The following ABCC1 variants were observed in gnomAD, a reference collection of about 807,000 sequenced individuals.
The protein encoded by ABCC1 is ATP binding cassette subfamily C member 1 (ABCC1 blood group).
In ABCC1, 83 loss-of-function variants were observed where a neutral mutation model predicts 172.9. The observed-to-expected ratio is 0.48, with a 90% CI of 0.40 to 0.58. ABCC1 has a LOEUF of 0.58. Ranked by LOEUF, ABCC1 falls within the 20% of genes least tolerant of loss-of-function variation. ABCC1 has a pLI of 0.00. For missense variants in ABCC1, 1,817 were observed against 2,002.7 expected (o/e 0.91, Z 1.77); for synonymous variants, 937 against 825.2 (o/e 1.14, Z -2.32).
At chr16:16,016,008 C>T (rs1042807655) in intron 4 of ABCC1, among the ~76,000 whole-genome samples, 1 of 152,144 alleles carries the variant, frequency 6.6e-6, no homozygotes, top group Admixed American at 6.5e-5. Context: ...TCCCATCAGG[C>T]AGCGGTGAGC....
intron 1 of ABCC1, among the ~76,000 whole-genome samples, chr16:15,983,173 T>C (rs1190251030): frequency 2.0e-5 from 3 of 152,018 alleles, no homozygotes; most frequent in Admixed American, 6.6e-5. Flanking sequence ...CAAGAAGGAA[T>C]GTTTCAACTG....
chr16:16,029,168 G>A lies in ABCC1; in HGVS notation c.616-3941G>A, dbSNP rs114540543. Among the ~76,000 whole-genome samples the A allele has an allele frequency of 5.1e-3, 776 of 152,290 alleles. 15 individuals are homozygous for A. Among genetic ancestry groups the A allele is most frequent in the African/African-American group, 0.018 (749 of 41,556 alleles). ...AGGAGCTTTTTATTTAGCCTTTTAT[G>A]ATGGAAACATAAAGTAGACAGCCTA... On this transcript the variant is annotated intron_variant, in intron 5 of 30. Coordinates refer to ENST00000399410, the MANE Select transcript of ABCC1 (RefSeq NM_004996.4).
At chr16:16,111,076 T>G (rs1366714820) in intron 21 of ABCC1, among the ~76,000 whole-genome samples, 1 of 152,130 alleles carries the variant, frequency 6.6e-6, no homozygotes, top group Non-Finnish European at 1.5e-5. Context: ...ACTTTATATT[T>G]TTAATAGAGG....
At chr16:16,030,342 T>C (rs1181538375) in intron 5 of ABCC1, among the ~76,000 whole-genome samples, 1 of 152,154 alleles carries the variant, frequency 6.6e-6, no homozygotes, top group Non-Finnish European at 1.5e-5. Context: ...TTCACCAACA[T>C]GGTGAAACCC....
At chr16:16,058,062 C>A (rs931174912) in intron 12 of ABCC1, among the ~76,000 whole-genome samples, 1 of 152,062 alleles carries the variant, frequency 6.6e-6, no homozygotes, top group African/African-American at 2.4e-5. Context: ...TGTTATGATC[C>A]ATGCTACACT....
At chr16:16,076,537 C>A in intron 15 of ABCC1, 136 bp downstream of exon 15, 1 of 807,988 alleles carries the variant, frequency 1.2e-6, no homozygotes, top group Non-Finnish European at 1.9e-6. Context: ...ACTTAGCTTA[C>A]CCATCTGGAC....
chr16:15,982,475 A>C (rs2046644110), intron 1 of ABCC1, among the ~76,000 whole-genome samples: 1 of 151,976 alleles, frequency 6.6e-6, no homozygotes, highest in Admixed American at 6.6e-5. Flanking sequence ...GTGTTGAGCA[A>C]AATCAGATCT....
At chr16:16,114,726 CCT>C in intron 22 of ABCC1, 38 bp from the exon 23 acceptor site, 2 of 1,548,084 alleles carry the variant, frequency 1.3e-6, no homozygotes, top group Non-Finnish European at 8.8e-7. Flanking sequence ...TGGTCAGCTC[CCT>C]CTCTGCATTG....
At chr16:16,090,164 C>T (rs1379375602) in intron 18 of ABCC1, among the ~76,000 whole-genome samples, 2 of 152,176 alleles carry the variant, frequency 1.3e-5, no homozygotes, top group Admixed American at 6.5e-5. Context: ...CCTTCCCCTT[C>T]CCCAGCTTTT....
chr16:16,009,837 G>A lies in ABCC1; in HGVS notation c.287G>A (p.Arg96Lys). 1.2e-6 allele frequency: 2 copies of A among 1,612,288 alleles called. No individual in the cohort carries two copies. Among genetic ancestry groups the A allele is most frequent in the Non-Finnish European group, 1.7e-6 (2 of 1,179,362 alleles). ...WADLFYSFWERSRGIFLAPVF... is the reference protein window; with the variant it reads ...WADLFYSFWEKSRGIFLAPVF... Reference sequence around the variant, plus strand: ...GACCTCTTCTACTCTTTCTGGGAAAGAAGTCGGGGCATATTCCTGGCCCCA... The same window carrying A: ...GACCTCTTCTACTCTTTCTGGGAAAAAAGTCGGGGCATATTCCTGGCCCCA... Residue 96 changes from arginine to lysine, a missense_variant, in exon 3 of 31, where the codon AGA becomes AAA. By Grantham distance (26) the Arg-to-Lys change is conservative. Around this residue, in one of 3 missense-constraint regions of ABCC1, gnomAD observed 398 missense variants for 384.2 expected, o/e 1.04. Transcript: ENST00000399410.
intron 24 of ABCC1, among the ~76,000 whole-genome samples, chr16:16,122,777 G>A (rs1352065762): frequency 1.3e-5 from 2 of 150,864 alleles, no homozygotes. Context: ...CTAGCTTCTC[G>A]AGAGGCTGAG....
chr16:16,118,315 G>A (rs558462298), intron 23 of ABCC1, among the ~76,000 whole-genome samples: 9 of 151,938 alleles, frequency 5.9e-5, no homozygotes, highest in East Asian at 1.9e-4. Context: ...TGGCCCCTGC[G>A]CCCCACCACA....
At chr16:16,013,984 G>A (rs2047894345) in intron 3 of ABCC1, among the ~76,000 whole-genome samples, 1 of 152,148 alleles carries the variant, frequency 6.6e-6, no homozygotes, top group Non-Finnish European at 1.5e-5. Flanking sequence ...TTTGTTTTCT[G>A]TACTGGGTTC....
At chr16:15,998,741 C>T (rs556807085) in intron 1 of ABCC1, among the ~76,000 whole-genome samples, 5 of 152,244 alleles carry the variant, frequency 3.3e-5, no homozygotes, top group South Asian at 2.1e-4. Context: ...CCTGGAGTTC[C>T]GGTGTCCTTA....
intron 16 of ABCC1, among the ~76,000 whole-genome samples, chr16:16,081,841 G>A (rs1372473137): frequency 1.3e-5 from 2 of 151,870 alleles, no homozygotes; most frequent in Admixed American, 6.6e-5. Context: ...CCAGCATGGC[G>A]AAACCCCGTC....
intron 21 of ABCC1, among the ~76,000 whole-genome samples, chr16:16,107,634 A>G (rs937725642): frequency 6.6e-6 from 1 of 152,124 alleles, no homozygotes; most frequent in Non-Finnish European, 1.5e-5. Context: ...TCCCTGAGAA[A>G]GTCCCAGTTG....
chr16:16,132,501 TGGTTGGTTG>T (rs1199938722), intron 27 of ABCC1, among the ~76,000 whole-genome samples: 1 of 107,204 alleles, frequency 9.3e-6, no homozygotes, highest in Non-Finnish European at 2.0e-5. Flanking sequence ...TTTTGTTTTT[TGGTTGGTTG>T]TTTTTTTTTT....
chr16:16,134,625 CTTTTTTTTTTT>C (rs67073334), intron 28 of ABCC1, 117 bp downstream of exon 28: 55 of 355,514 alleles, frequency 1.5e-4, no homozygotes, highest in Non-Finnish European at 2.0e-4. Context: ...CTTCATCGTT[CTTTTTTTTTTT>C]TTTTTTTTTT....
In ABCC1 at chr16:16,068,292, G is replaced by A. The variant is rs747209855; in HGVS notation, c.1814G>A (p.Ser605Asn). The A allele has an allele frequency of 6.8e-6, 11 of 1,614,056 alleles. No individual in the cohort carries two copies. In the South Asian group the frequency reaches 1.2e-4, roughly 18 times the overall value. The change falls in exon 13 of 31, where the codon AGC becomes AAC. Residue 605 changes from serine (S) to asparagine (N), a missense_variant. Coordinates refer to ENST00000399410, the MANE Select transcript of ABCC1 (RefSeq NM_004996.4). ...PLNILPMVISSIVQASVSLKR... is the reference protein window; with the variant it reads ...PLNILPMVISNIVQASVSLKR... ...AACATTCTCCCCATGGTCATCAGCA[G>A]CATCGTGCAGGTACAGGGGGAAGCT...
Sources: gnomAD v4.1 joint callset for allele counts (sites outside exome capture counted in the v4.1 genomes callset) on GRCh38, gnomAD v4.1.1 for gene constraint, gnomAD v4.1.1 regional missense constraint, MANE v1.5 for transcripts, NCBI Gene and HGNC (gene_info 2026-07-23, HGNC 2026-07-21) for gene names.